Variants in CACNB4 observed in about 807,000 individuals in gnomAD.
CACNB4 encodes voltage-dependent L-type calcium channel subunit beta-4.
Under a neutral mutation model 71.2 loss-of-function variants are expected in CACNB4, and 32 were observed. The observed-to-expected ratio is 0.45, with a 90% CI of 0.34 to 0.60. The LOEUF (loss-of-function observed/expected upper bound fraction) is 0.60, where lower values mean the gene tolerates loss of function less well. Among genes scored for constraint, CACNB4 ranks in the 20% least tolerant of loss-of-function variants. The pLI, the probability that CACNB4 is intolerant of heterozygous loss-of-function variation, is 0.01. For synonymous variants in CACNB4, 231 were observed against 236.9 expected, an observed-to-expected ratio of 0.97 and a Z score of 0.23; for missense variants, 464 against 647.9, an observed-to-expected ratio of 0.72 and a Z score of 3.08.
chr2:152,033,695 A>G (rs977497777), intron 2 of CACNB4, among the ~76,000 whole-genome samples: 3 of 152,210 alleles, frequency 2.0e-5, no homozygotes, highest in African/African-American at 7.2e-5. Context: ...CTATTTAGAA[A>G]GTTCTAAATA....
chr2:151,868,943 AC>A, intron 9 of CACNB4: 1 of 285,340 alleles, frequency 3.5e-6, no homozygotes, highest in Non-Finnish European at 6.4e-6. Flanking sequence ...AAAGATATAT[AC>A]ATTTAAATAA....
chr2:151,989,659 T>C (rs1681576932), intron 2 of CACNB4, among the ~76,000 whole-genome samples: 1 of 152,198 alleles, frequency 6.6e-6, no homozygotes, highest in South Asian at 2.1e-4. Flanking sequence ...CTTCTGATGA[T>C]TCATAAATAA....
At chr2:151,892,000 G>A (rs1219258182) in intron 2 of CACNB4, among the ~76,000 whole-genome samples, 2 of 152,104 alleles carry the variant, frequency 1.3e-5, no homozygotes, top group South Asian at 2.1e-4. Flanking sequence ...CATTAGACCC[G>A]GCACAAGGTC....
rs545335560 is a variant in CACNB4, at chr2:151,922,466, G to C, written c.148-39096C>G. Among the ~76,000 whole-genome samples, 4 of 152,332 alleles carry C rather than the reference G, an allele frequency of 2.6e-5. No individual in the cohort carries two copies. The East Asian group carries it at 7.7e-4, about 29-fold the overall frequency. The stretch of plus-strand genomic sequence containing the variant: ...AATCCTGCTGGCTCCACCTCCCAAA[G>C]TGCTGGGATTAAAAGCGTGAACTAT... On this transcript the variant is annotated intron_variant, in intron 2 of 13. Coordinates refer to ENST00000539935, the MANE Select transcript of CACNB4 (RefSeq NM_000726.5).
intron 2 of CACNB4, among the ~76,000 whole-genome samples, chr2:151,922,415 C>T (rs1297003850): frequency 6.6e-6 from 1 of 152,112 alleles, no homozygotes; most frequent in Non-Finnish European, 1.5e-5. Context: ...GTTGCCCAGG[C>T]TGGTCTTGAA....
At chr2:151,935,464 T>A (rs73001825) in intron 2 of CACNB4, among the ~76,000 whole-genome samples, 178 of 152,382 alleles carry the variant, frequency 1.2e-3, no homozygotes, top group African/African-American at 4.2e-3. Context: ...TCTGAATATG[T>A]GAAATTTAGG....
intron 2 of CACNB4, among the ~76,000 whole-genome samples, chr2:151,906,043 C>T (rs1461135996): frequency 6.6e-6 from 1 of 152,210 alleles, no homozygotes. Flanking sequence ...TGAGCACATG[C>T]ATGCACACAC....
intron 2 of CACNB4, among the ~76,000 whole-genome samples, chr2:151,912,591 G>T (rs920587837): frequency 3.3e-5 from 5 of 152,092 alleles, no homozygotes; most frequent in African/African-American, 1.2e-4. Flanking sequence ...CCAATTATGT[G>T]GTCAATTTTA....
intron 2 of CACNB4, among the ~76,000 whole-genome samples, chr2:151,884,631 T>C (rs2099848871): frequency 1.4e-5 from 1 of 70,916 alleles, no homozygotes; most frequent in African/African-American, 6.3e-5. Flanking sequence ...CGAGACTCCG[T>C]CTCAAAAAAA....
At chr2:152,075,368 A>G (rs1276910553) in intron 2 of CACNB4, among the ~76,000 whole-genome samples, 2 of 152,224 alleles carry the variant, frequency 1.3e-5, no homozygotes, top group Non-Finnish European at 2.9e-5. Flanking sequence ...ACCTGTAAAC[A>G]TATCACTGCA....
At chr2:151,852,881 T>C (rs1421291791) in intron 12 of CACNB4, 1 of 152,148 alleles carries the variant, frequency 6.6e-6, no homozygotes, top group Non-Finnish European at 1.5e-5. Flanking sequence ...AGCAGTTCCA[T>C]CTCCCACCCC....
intron 2 of CACNB4, among the ~76,000 whole-genome samples, chr2:151,928,368 T>A (rs965804674): frequency 1.3e-5 from 2 of 152,182 alleles, no homozygotes; most frequent in African/African-American, 4.8e-5. Flanking sequence ...ATAACTCTAA[T>A]GTAACAGAAC....
intron 2 of CACNB4, among the ~76,000 whole-genome samples, chr2:151,982,110 A>G (rs2099874820): frequency 6.6e-6 from 1 of 152,092 alleles, no homozygotes; most frequent in Middle Eastern, 3.2e-3. Context: ...TGACCTCTCT[A>G]TTATTCTAGG....
At chr2:152,065,155 G>C (rs1686238898) in intron 2 of CACNB4, among the ~76,000 whole-genome samples, 1 of 152,118 alleles carries the variant, frequency 6.6e-6, no homozygotes, top group African/African-American at 2.4e-5. Flanking sequence ...GACCGAGGTG[G>C]GCAGATCATT....
intron 2 of CACNB4, among the ~76,000 whole-genome samples, chr2:152,043,344 A>C (rs1484974466): frequency 6.6e-6 from 1 of 152,112 alleles, no homozygotes; most frequent in African/African-American, 2.4e-5. Flanking sequence ...TCCAATAACA[A>C]TGAGGTCTCA....
At chr2:151,915,495 C>T (rs992061954) in intron 2 of CACNB4, among the ~76,000 whole-genome samples, 11 of 152,178 alleles carry the variant, frequency 7.2e-5, no homozygotes, top group Admixed American at 2.0e-4. Flanking sequence ...GCTGGCTGCC[C>T]CTCCCCTGCG....
intron 2 of CACNB4, among the ~76,000 whole-genome samples, chr2:151,980,476 T>C (rs1429222515): frequency 2.0e-5 from 3 of 152,198 alleles, no homozygotes; most frequent in African/African-American, 7.2e-5. Context: ...ATTAGTGCAA[T>C]TGGTGAATTA....
At chr2:151,929,123 C>T (rs971390519) in intron 2 of CACNB4, among the ~76,000 whole-genome samples, 2 of 151,954 alleles carry the variant, frequency 1.3e-5, no homozygotes, top group Non-Finnish European at 2.9e-5. Flanking sequence ...ACAGTGCTTA[C>T]ATAATTCTAC....
Position 152,098,312 on chromosome 2 carries a change from C to G in CACNB4, c.147+18G>C. On this transcript the variant is annotated intron_variant, in intron 2 of 13. Transcript: ENST00000539935. The surrounding 1 kb of genome is among the most constrained non-coding windows in gnomAD (Gnocchi z 5.3). ...CTCGGCCTCCTCCCCATCCTGGTCTCCCGCCTCCTTCTCATACCTGTCTGA... is the reference window on the plus strand; with the variant it reads ...CTCGGCCTCCTCCCCATCCTGGTCTGCCGCCTCCTTCTCATACCTGTCTGA... The G allele has an allele frequency of 6.2e-7, 1 of 1,605,972 alleles. No individual in the cohort carries two copies. Among genetic ancestry groups the G allele is most frequent in the Non-Finnish European group, 8.5e-7 (1 of 1,172,782 alleles).
Sources: allele counts gnomAD v4.1 joint callset (sites outside exome capture counted in the v4.1 genomes callset), GRCh38; gene constraint gnomAD v4.1.1; non-coding constraint Gnocchi (gnomAD v3.1); transcripts MANE v1.5; gene names NCBI Gene and HGNC (gene_info 2026-07-23, HGNC 2026-07-21).